Variants in TRPC5 observed in about 807,000 individuals in gnomAD.
TRPC5 encodes transient receptor potential cation channel subfamily C member 5.
TRPC5 carries 9 observed loss-of-function variants against 56.5 expected under a neutral mutation model. The observed-to-expected ratio is 0.16, with a 90% confidence interval of 0.10 to 0.28. TRPC5 has a LOEUF of 0.28. Among genes scored for constraint, TRPC5 ranks in the 10% least tolerant of loss-of-function variants. TRPC5 has a pLI of 1.00. For missense variants in TRPC5, 469 were observed against 748.9 expected, an observed-to-expected ratio of 0.63 and a Z score of 4.36; for synonymous variants, 282 against 278.5, an observed-to-expected ratio of 1.01 and a Z score of -0.13.
intron 7 of TRPC5, among the ~76,000 whole-genome samples, chrX:111,829,156 G>C (rs1922325963): frequency 9.2e-6 from 1 of 108,981 alleles, no homozygotes; most frequent in South Asian, 4.1e-4. Context: ...ACAAAAATTA[G>C]CCAGGTGTGG....
chrX:111,787,212 G>T (rs1183449670), intron 7 of TRPC5, among the ~76,000 whole-genome samples: 5 of 112,124 alleles, frequency 4.5e-5, no homozygotes, highest in Non-Finnish European at 9.4e-5. Context: ...CTGTCTCTCA[G>T]ACCACAGTGC....
At chrX:112,065,193 G>A (rs763792528) in intron 1 of TRPC5, among the ~76,000 whole-genome samples, 4 of 111,547 alleles carry the variant, frequency 3.6e-5, no homozygotes, top group African/African-American at 1.3e-4. Context: ...TCTCTCCTGA[G>A]TTTAACATCT....
chrX:111,790,408 G>A (rs148727199), intron 7 of TRPC5, among the ~76,000 whole-genome samples: 1,399 of 110,570 alleles, frequency 0.013, 12 homozygotes, highest in African/African-American at 0.034. Flanking sequence ...AGGGCCTGTC[G>A]GAGGGTGGGG....
chrX:111,776,829 G>T lies in TRPC5; in HGVS notation c.2406C>A (p.Gly802=). 8.3e-7 allele frequency: 1 copy of T among 1,211,023 alleles called. No individual in the cohort carries two copies. Among genetic ancestry groups the T allele is most frequent in the South Asian group, 1.8e-5 (1 of 56,781 alleles). ...GCCCATGGCAAGTCTTTTTCTTGCA[G>T]CCTAAATTAAAAGAGACACTCTTGG... ...AKSKSVSFNL[G]CKKKTCHGPP... The change falls in exon 11 of 11, where the codon GGC becomes GGA. Residue 802 remains glycine (G), a synonymous_variant. Coordinates refer to ENST00000262839, the MANE Select transcript of TRPC5 (RefSeq NM_012471.3).
At chrX:111,817,801 T>A (rs1379585386) in intron 7 of TRPC5, among the ~76,000 whole-genome samples, 1 of 111,498 alleles carries the variant, frequency 9.0e-6, no homozygotes, top group Non-Finnish European at 1.9e-5. Context: ...GACTCCTGCT[T>A]TCATGCACAT....
intron 1 of TRPC5, among the ~76,000 whole-genome samples, chrX:112,047,191 T>C (rs752377070): frequency 2.7e-5 from 3 of 111,246 alleles, no homozygotes; most frequent in Non-Finnish European, 5.7e-5. Context: ...TGTGCTTCAA[T>C]TGAGGTCTAT....
chrX:111,803,905 TTA>T (rs1437953745), intron 7 of TRPC5, among the ~76,000 whole-genome samples: 2 of 112,253 alleles, frequency 1.8e-5, no homozygotes, highest in Non-Finnish European at 3.8e-5. Context: ...TTTTGGTGTT[TTA>T]GTCATGAAGT....
intron 1 of TRPC5, among the ~76,000 whole-genome samples, chrX:111,962,245 C>A (rs1927404522): frequency 8.9e-6 from 1 of 112,044 alleles, no homozygotes; most frequent in Admixed American, 9.5e-5. Flanking sequence ...AAAGAAATCC[C>A]AGGAAACAGA....
At chrX:111,842,413 C>T (rs1359757104) in intron 6 of TRPC5, among the ~76,000 whole-genome samples, 3 of 110,795 alleles carry the variant, frequency 2.7e-5, no homozygotes, top group Non-Finnish European at 3.8e-5. Context: ...GCTGGGATTA[C>T]AGGCATGAGC....
Position 111,862,350 on chromosome X carries a change from A to G in TRPC5, c.901-8244T>C, listed in dbSNP as rs550857292. 3.2e-4 allele frequency among the ~76,000 whole-genome samples: 36 copies of G among 112,014 alleles called. No individual in the cohort carries two copies. In the Middle Eastern group the frequency reaches 0.014, roughly 44 times the overall value. On this transcript the variant is annotated intron_variant, in intron 3 of 10. Transcript: ENST00000262839. ...AAAATCTCTTCGCTTAAATGCTGAA[A>G]TTATAAATTGAAACAGACTCTTGGG...
chrX:111,907,144 A>T (rs1033602891), intron 3 of TRPC5, among the ~76,000 whole-genome samples: 2 of 107,610 alleles, frequency 1.9e-5, no homozygotes, highest in Admixed American at 2.0e-4. Flanking sequence ...TGTCCTTTCC[A>T]TCTTGGTTTG....
chrX:112,076,962 G>C (rs754334643), intron 1 of TRPC5, among the ~76,000 whole-genome samples: 1 of 112,097 alleles, frequency 8.9e-6, no homozygotes, highest in East Asian at 2.8e-4. Flanking sequence ...CACATCTAGT[G>C]GTTGGTTTTC....
At chrX:112,017,314 C>T (rs935559057) in intron 1 of TRPC5, among the ~76,000 whole-genome samples, 2 of 111,031 alleles carry the variant, frequency 1.8e-5, no homozygotes, top group Non-Finnish European at 3.8e-5. Context: ...CGCCCAGCCA[C>T]GATTATTACT....
At chrX:111,817,412 C>T (rs1428018357) in intron 7 of TRPC5, among the ~76,000 whole-genome samples, 9 of 106,206 alleles carry the variant, frequency 8.5e-5, no homozygotes, top group African/African-American at 1.7e-4. Context: ...CTGCAACCTC[C>T]GCCTCCAAGG....
At chrX:111,860,209 A>G (rs1439517512) in intron 3 of TRPC5, among the ~76,000 whole-genome samples, 3 of 112,576 alleles carry the variant, frequency 2.7e-5, no homozygotes, top group East Asian at 2.8e-4. Flanking sequence ...CGCCTGGCCT[A>G]CTTATAGCCA....
chrX:111,830,989 C>T lies in TRPC5; in HGVS notation c.1896+3932G>A, dbSNP rs866606738. ...CACAATCACAAGTGTGGTATCTCTT[C>T]ATATTAATAGTCTTGAGTATTAGAG... On this transcript the variant is annotated intron_variant, in intron 7 of 10. Coordinates refer to ENST00000262839, the MANE Select transcript of TRPC5 (RefSeq NM_012471.3). Among the ~76,000 whole-genome samples the T allele has an allele frequency of 1.2e-4, 13 of 112,452 alleles. No individual in the cohort carries two copies. In the East Asian group the frequency reaches 3.4e-3, roughly 29 times the overall value.
At chrX:112,049,442 C>T (rs891900029) in intron 1 of TRPC5, among the ~76,000 whole-genome samples, 1 of 107,528 alleles carries the variant, frequency 9.3e-6, no homozygotes, top group African/African-American at 3.4e-5. Context: ...TACACACACA[C>T]ACACACACAC....
chrX:111,917,441 G>A (rs1603097620), intron 2 of TRPC5, among the ~76,000 whole-genome samples: 1 of 112,451 alleles, frequency 8.9e-6, no homozygotes, highest in Non-Finnish European at 1.9e-5. Context: ...GCAGGGAGAA[G>A]AAATCAAGGG....
intron 7 of TRPC5, among the ~76,000 whole-genome samples, chrX:111,804,611 G>A (rs1398994249): frequency 9.0e-6 from 1 of 111,125 alleles, no homozygotes; most frequent in Non-Finnish European, 1.9e-5. Flanking sequence ...TCTTTTTGTA[G>A]CAATTGTGAA....
Sources: gnomAD v4.1 joint callset for allele counts (sites outside exome capture counted in the v4.1 genomes callset) on GRCh38, gnomAD v4.1.1 for gene constraint, MANE v1.5 for transcripts, NCBI Gene and HGNC (gene_info 2026-07-23, HGNC 2026-07-21) for gene names.